TUSC3: variants seen among roughly 807,000 people sequenced by gnomAD.
TUSC3 encodes dolichyl-diphosphooligosaccharide--protein glycosyltransferase subunit TUSC3.
A neutral mutation model predicts 44.8 loss-of-function variants in TUSC3; 45 were observed. The observed-to-expected ratio is 1.00, with a 90% CI of 0.79 to 1.29. The LOEUF (loss-of-function observed/expected upper bound fraction) is 1.29. TUSC3 is among the 50% of genes most tolerant of loss of function. The pLI is 0.00. For missense variants in TUSC3, 519 were observed against 437.9 expected (o/e 1.19, Z -1.65); for synonymous variants, 212 against 152.9 (o/e 1.39, Z -2.85).
At chr8:15,467,326 C>G (rs914479863) in intron 1 of TUSC3, among the ~76,000 whole-genome samples, 1 of 150,350 alleles carries the variant, frequency 6.7e-6, no homozygotes, top group Non-Finnish European at 1.5e-5. Flanking sequence ...TATCTTCTCT[C>G]ACAATAATCC....
At chr8:15,504,148 A>G (rs1801013369) in intron 2 of TUSC3, among the ~76,000 whole-genome samples, 1 of 152,162 alleles carries the variant, frequency 6.6e-6, no homozygotes, top group Non-Finnish European at 1.5e-5. Flanking sequence ...AATAGGGTAG[A>G]GGTTAATAGT....
At chr8:15,713,520 AC>A (rs1467640562) in intron 6 of TUSC3, among the ~76,000 whole-genome samples, 3 of 152,156 alleles carry the variant, frequency 2.0e-5, no homozygotes, top group African/African-American at 7.2e-5. Flanking sequence ...ATAACAAAGT[AC>A]CACTCACTGG....
At position 15,540,523 on chromosome 8, in the gene TUSC3, G is replaced by C. The variant is rs11545037; in HGVS notation, c.93G>C (p.Leu31=). ...GGAGCTTTCCCTTCCTTCTCCTGCT[G>C]CTGCTGCTCTGCATCCAGCTCGGGG... is the stretch of plus-strand genomic sequence containing the variant. ...PTGSFPFLLL[L]LLLCIQLGGG... is the part of the protein sequence containing the mutation. Residue 31 remains leucine, a synonymous_variant, in exon 1 of 11, where the codon CTG becomes CTC. Transcript: ENST00000503731. 2.8e-5 allele frequency: 45 copies of C among 1,606,362 alleles called. No homozygotes were observed. The Admixed American group carries it at 7.6e-4, about 27-fold the overall frequency.
chr8:15,828,284 C>T, the TUSC3 span, among the ~76,000 whole-genome samples: 16 of 152,214 alleles, frequency 1.1e-4, no homozygotes, highest in East Asian at 5.8e-4. Context: ...CATGAGCCAC[C>T]GCACCCAGCC....
At chr8:15,628,506 A>G (rs1443657951) in intron 2 of TUSC3, among the ~76,000 whole-genome samples, 1 of 152,192 alleles carries the variant, frequency 6.6e-6, no homozygotes, top group Non-Finnish European at 1.5e-5. Flanking sequence ...TTATAAGAGA[A>G]AGAGATTGAA....
intron 2 of TUSC3, among the ~76,000 whole-genome samples, chr8:15,532,992 C>T (rs1412844846): frequency 6.6e-6 from 1 of 152,192 alleles, no homozygotes; most frequent in African/African-American, 2.4e-5. Flanking sequence ...AAGGTTTTGC[C>T]ATGCTGCCCA....
chr8:15,820,745 T>G, the TUSC3 span, among the ~76,000 whole-genome samples: 2 of 152,302 alleles, frequency 1.3e-5, no homozygotes, highest in East Asian at 1.9e-4. Context: ...AGATTAGTGT[T>G]ATTTCTTCTT....
intron 2 of TUSC3, among the ~76,000 whole-genome samples, chr8:15,631,900 G>A (rs1805782935): frequency 6.6e-6 from 1 of 151,972 alleles, no homozygotes; most frequent in Non-Finnish European, 1.5e-5. Context: ...GTAGAGATGG[G>A]GTTTCAGCGT....
At chr8:15,599,081 T>C (rs1269907285) in intron 1 of TUSC3, among the ~76,000 whole-genome samples, 1 of 151,902 alleles carries the variant, frequency 6.6e-6, no homozygotes, top group Non-Finnish European at 1.5e-5. Context: ...GAATTCCTGC[T>C]GCTACACATC....
the TUSC3 span, among the ~76,000 whole-genome samples, chr8:15,780,846 G>A: frequency 6.6e-6 from 1 of 152,148 alleles, no homozygotes. Context: ...CTGAGAATAT[G>A]TAAGTTTCCC....
chr8:15,422,688 G>A (rs1280669603), intron 1 of TUSC3, among the ~76,000 whole-genome samples: 1 of 152,086 alleles, frequency 6.6e-6, no homozygotes, highest in Admixed American at 6.5e-5. Flanking sequence ...GTCTCACTCT[G>A]TCACCCAGGC....
At chr8:15,650,091 A>G (rs1179161899) in intron 2 of TUSC3, among the ~76,000 whole-genome samples, 2 of 152,314 alleles carry the variant, frequency 1.3e-5, no homozygotes, top group East Asian at 3.9e-4. Context: ...ATCATCTTAG[A>G]GAAGGAATGT....
chr8:15,625,311 T>G (rs534327533), intron 2 of TUSC3, among the ~76,000 whole-genome samples: 3 of 152,198 alleles, frequency 2.0e-5, no homozygotes, highest in Non-Finnish European at 2.9e-5. Flanking sequence ...TTATTGTTTA[T>G]AGTGTCTTTG....
chr8:15,769,030 A>G (rs551659717), downstream of TUSC3, among the ~76,000 whole-genome samples: 203 of 152,288 alleles, frequency 1.3e-3, no homozygotes, highest in Non-Finnish European at 2.4e-3. Context: ...AATGCTATCC[A>G]TCAACCTGCC....
chr8:15,831,963 AG>A, the TUSC3 span, among the ~76,000 whole-genome samples: 2 of 152,166 alleles, frequency 1.3e-5, no homozygotes, highest in African/African-American at 4.8e-5. Flanking sequence ...GATACTTCAA[AG>A]AAGATTATGC....
the TUSC3 span, among the ~76,000 whole-genome samples, chr8:15,810,371 C>T: frequency 1.4e-4 from 22 of 152,202 alleles, no homozygotes; most frequent in African/African-American, 4.6e-4. Flanking sequence ...GGAATGGTGG[C>T]GTATGTCTAT....
chr8:15,641,764 A>G (rs767128332), intron 2 of TUSC3, among the ~76,000 whole-genome samples: 7 of 152,186 alleles, frequency 4.6e-5, no homozygotes, highest in African/African-American at 9.7e-5. Context: ...TGTGTTACCT[A>G]TGTTCTTTCT....
the TUSC3 span, among the ~76,000 whole-genome samples, chr8:15,825,257 G>C: frequency 6.6e-6 from 1 of 152,092 alleles, no homozygotes; most frequent in Non-Finnish European, 1.5e-5. Context: ...CTGAGGCTGG[G>C]TAATTTATAA....
intron 1 of TUSC3, among the ~76,000 whole-genome samples, chr8:15,578,076 A>G (rs76482330): frequency 2.7e-4 from 41 of 150,310 alleles, no homozygotes; most frequent in South Asian, 2.6e-3. Flanking sequence ...CTTTGAAGCA[A>G]TTGTGAATGG....
Sources: gnomAD v4.1 joint callset for allele counts (sites outside exome capture counted in the v4.1 genomes callset) on GRCh38, gnomAD v4.1.1 for gene constraint, MANE v1.5 for transcripts, NCBI Gene and HGNC (gene_info 2026-07-23, HGNC 2026-07-21) for gene names.